Variants in HORMAD1 observed in about 807,000 individuals in gnomAD.
The protein encoded by HORMAD1 is HORMA domain containing 1.
In HORMAD1, 33 loss-of-function variants were observed where a neutral mutation model predicts 58.2. That is an observed-to-expected ratio of 0.57 (90% confidence interval 0.43 to 0.76). The LOEUF (loss-of-function observed/expected upper bound fraction) is 0.76. Ranked by LOEUF, HORMAD1 falls within the 30% of genes least tolerant of loss-of-function variation. The probability of loss-of-function intolerance (pLI) is 0.00; values close to 1 mark genes in which losing one functional copy is unlikely to be tolerated. For missense variants in HORMAD1, 363 were observed against 462.0 expected (o/e 0.79, Z 1.96); for synonymous variants, 137 against 144.6 (o/e 0.95, Z 0.38).
Position 150,706,542 on chromosome 1 carries a change from A to G in HORMAD1, c.804+11T>C. ...TATTATTGTTCTTTATAACTCTTGA[A>G]ATACACTTACACTTGTATAATGCTC... On this transcript the variant is annotated intron_variant, in intron 10 of 14. Transcript: ENST00000361824. The G allele has an allele frequency of 6.3e-7, 1 of 1,581,614 alleles. No homozygotes were observed. The highest frequency in any genetic ancestry group is 1.1e-5 in the South Asian group (1 of 88,660).
At chr1:150,716,142 A>C (rs1652067602) in intron 3 of HORMAD1, among the ~76,000 whole-genome samples, 1 of 149,976 alleles carries the variant, frequency 6.7e-6, no homozygotes, top group African/African-American at 2.5e-5. Flanking sequence ...GCCAGTCACA[A>C]AGGACCACTT....
Position 150,708,356 on chromosome 1 carries a change from T to C in HORMAD1, c.447A>G (p.Ala149=). 1 of 1,610,330 alleles carries C rather than the reference T, an allele frequency of 6.2e-7. No individual in the cohort carries two copies. Among genetic ancestry groups the C allele is most frequent in the East Asian group, 2.2e-5 (1 of 44,702 alleles). ...AAATCTTGCGAATGAGGAGAATGCT[T>C]GCTTTCTTGGTGTCAGTAGACAACA... ...SSMLSTDTKK[A]SILLIRKIYI... The change falls in exon 9 of 15, where the codon GCA becomes GCG. Residue 149 remains alanine (A), a synonymous_variant. Coordinates refer to ENST00000361824, the MANE Select transcript of HORMAD1 (RefSeq NM_032132.5).
chr1:150,699,425 C>A (rs1415503857), intron 14 of HORMAD1, among the ~76,000 whole-genome samples: 1 of 152,088 alleles, frequency 6.6e-6, no homozygotes, highest in East Asian at 1.9e-4. Flanking sequence ...AAGCTCAGAT[C>A]AAATTTGTGG....
At chr1:150,712,042 A>T (rs1328562670) in intron 5 of HORMAD1, among the ~76,000 whole-genome samples, 189 bp from the exon 6 acceptor site, 1 of 152,204 alleles carries the variant, frequency 6.6e-6, no homozygotes, top group Non-Finnish European at 1.5e-5. Context: ...CCCCTGAAAT[A>T]TCTATTGCTA....
chr1:150,713,501 A>G (rs1356335385), intron 5 of HORMAD1, among the ~76,000 whole-genome samples: 1 of 152,070 alleles, frequency 6.6e-6, no homozygotes, highest in African/African-American at 2.4e-5. Context: ...GTGCCACTGC[A>G]TTCCAGCCTG....
chr1:150,710,199 C>T (rs1439699694), intron 7 of HORMAD1, among the ~76,000 whole-genome samples: 2 of 152,074 alleles, frequency 1.3e-5, no homozygotes, highest in African/African-American at 4.8e-5. Context: ...TGTGGAGGGG[C>T]AGGCCACCCC....
chr1:150,711,919 T>C, intron 5 of HORMAD1, 66 bp from the exon 6 acceptor site: 1 of 1,069,712 alleles, frequency 9.3e-7, no homozygotes, highest in Non-Finnish European at 1.4e-6. Context: ...TTACGAATCA[T>C]AAGAATTCTT....
At chr1:150,717,945 CA>C (rs1238307213) in intron 2 of HORMAD1, among the ~76,000 whole-genome samples, 10 of 149,034 alleles carry the variant, frequency 6.7e-5, no homozygotes, top group Admixed American at 5.3e-4. Context: ...GACTCCATCT[CA>C]AAAAAAAAGT....
intron 13 of HORMAD1, among the ~76,000 whole-genome samples, chr1:150,700,851 T>C (rs1438713165): frequency 6.6e-6 from 1 of 152,184 alleles, no homozygotes; most frequent in Admixed American, 6.5e-5. Context: ...TTTTAATCCA[T>C]TCATCTGTTG....
Position 150,706,752 on chromosome 1 carries a change from A to G in HORMAD1, c.605T>C (p.Ile202Thr), listed in dbSNP as rs1294808005. Residue 202 changes from isoleucine (I) to threonine (T), a missense_variant, in exon 10 of 15, where the codon ATA becomes ACA. Transcript: ENST00000361824. ...TAAATACATAGGTTCCCCTTCAAAT[A>G]TAACTCCTTCACAATCACCATCCTT... Reference protein sequence around the residue: ...GFKDGDCEGVIFEGEPMYLNV... With the variant: ...GFKDGDCEGVTFEGEPMYLNV... 1 of 1,613,682 alleles carries G rather than the reference A, an allele frequency of 6.2e-7. No homozygotes were observed. The highest frequency in any genetic ancestry group is 1.1e-5 in the South Asian group (1 of 91,046).
At chr1:150,706,960 C>T (rs1278211820) in intron 9 of HORMAD1, 151 bp from the exon 10 acceptor site, 4 of 575,662 alleles carry the variant, frequency 6.9e-6, no homozygotes, top group Non-Finnish European at 1.1e-5. Context: ...ATGTCCAAGT[C>T]CCCATTTTAT....
intron 14 of HORMAD1, among the ~76,000 whole-genome samples, chr1:150,699,757 C>T (rs2101836133): frequency 6.6e-6 from 1 of 150,760 alleles, no homozygotes; most frequent in South Asian, 2.1e-4. Flanking sequence ...GGGTCTCGAT[C>T]TCTTGACCTC....
At chr1:150,714,026 G>C in intron 5 of HORMAD1, 59 bp downstream of exon 5, 2 of 1,068,498 alleles carry the variant, frequency 1.9e-6, no homozygotes, top group Non-Finnish European at 2.8e-6. Context: ...CATAACTCCA[G>C]TTATATTTGT....
rs774953907 is a variant in HORMAD1 at position 150,700,144 on chromosome 1, G to A, written c.1072C>T (p.Arg358Trp). 3.8e-6 allele frequency: 6 copies of A among 1,578,414 alleles called. No homozygotes were observed. The highest frequency in any genetic ancestry group is 2.2e-5 in the East Asian group (1 of 44,566). ...NQPVKSSKENRKRSQHESGRI... is the reference protein window; with the variant it reads ...NQPVKSSKENWKRSQHESGRI... Reference sequence around the variant, plus strand: ...CCAGATTCATGTTGACTTCTCTTCCGATTTTCTTTGGAAGATTTTACTGGT... The same window carrying A: ...CCAGATTCATGTTGACTTCTCTTCCAATTTTCTTTGGAAGATTTTACTGGT... The change falls in exon 14 of 15, where the codon CGG becomes TGG. Residue 358 changes from arginine to tryptophan, a missense_variant. Physicochemically the swap from Arg to Trp is moderately radical, Grantham distance 101. Transcript: ENST00000361824.
chr1:150,703,725 A>G (rs1471267871), intron 12 of HORMAD1, among the ~76,000 whole-genome samples: 3 of 152,190 alleles, frequency 2.0e-5, no homozygotes, highest in Non-Finnish European at 4.4e-5. Context: ...TATTTTTTCC[A>G]AGTTCATATT....
intron 13 of HORMAD1, among the ~76,000 whole-genome samples, chr1:150,702,347 T>C (rs1256724302): frequency 1.3e-5 from 2 of 152,182 alleles, no homozygotes; most frequent in African/African-American, 4.8e-5. Context: ...GTTCAACCAT[T>C]GTGGAAGACA....
chr1:150,709,799 T>C (rs963103311), intron 7 of HORMAD1, among the ~76,000 whole-genome samples: 2 of 152,194 alleles, frequency 1.3e-5, no homozygotes, highest in Admixed American at 1.3e-4. Flanking sequence ...CGCCCTATGG[T>C]GGGAGGCGAG....
intron 2 of HORMAD1, among the ~76,000 whole-genome samples, chr1:150,717,805 C>T (rs587638805): frequency 6.6e-6 from 1 of 151,962 alleles, no homozygotes; most frequent in Non-Finnish European, 1.5e-5. Context: ...TGGCAGGCAC[C>T]TGTAAACCCA....
At chr1:150,700,270 A>C in intron 13 of HORMAD1, 87 bp from the exon 14 acceptor site, 1 of 728,910 alleles carries the variant, frequency 1.4e-6, no homozygotes, top group Non-Finnish European at 2.4e-6. Context: ...ACGATATGCA[A>C]TATTTATTTA....
Sources: allele counts gnomAD v4.1 joint callset (sites outside exome capture counted in the v4.1 genomes callset), GRCh38; gene constraint gnomAD v4.1.1; transcripts MANE v1.5; gene names NCBI Gene and HGNC (gene_info 2026-07-23, HGNC 2026-07-21).